The following VAV3 variants were observed in gnomAD, a reference collection of about 807,000 sequenced individuals.
VAV3 encodes the protein vav guanine nucleotide exchange factor 3.
VAV3 carries 94 observed loss-of-function variants against 131.2 expected under a neutral mutation model. The observed-to-expected ratio is 0.72, with a 90% confidence interval of 0.61 to 0.85. The LOEUF is 0.85. Ranked by LOEUF, VAV3 falls within the 40% of genes least tolerant of loss-of-function variation. VAV3 has a pLI of 0.00. For missense variants in VAV3, 939 were observed against 1,002.7 expected, an observed-to-expected ratio of 0.94 and a Z score of 0.86; for synonymous variants, 349 against 342.0, an observed-to-expected ratio of 1.02 and a Z score of -0.22.
chr1:107,829,411 T>A (rs1306505451), intron 2 of VAV3, among the ~76,000 whole-genome samples: 15 of 152,258 alleles, frequency 9.9e-5, no homozygotes, highest in Admixed American at 6.5e-4. Context: ...ATGCTCTACA[T>A]TAAAGTGTAT....
At chr1:107,761,417 G>T (rs1000152776) in intron 9 of VAV3, among the ~76,000 whole-genome samples, 4 of 149,478 alleles carry the variant, frequency 2.7e-5, no homozygotes, top group African/African-American at 9.8e-5. Flanking sequence ...AAAGAAAAAA[G>T]AAAAAGAAAA....
intron 1 of VAV3, among the ~76,000 whole-genome samples, chr1:107,889,862 A>G (rs1671230755): frequency 6.6e-6 from 1 of 152,208 alleles, no homozygotes; most frequent in Non-Finnish European, 1.5e-5. Context: ...ACTTGGGGAT[A>G]AAGATAAAAC....
chr1:107,909,743 T>A (rs1672279173), intron 1 of VAV3, among the ~76,000 whole-genome samples: 1 of 151,696 alleles, frequency 6.6e-6, no homozygotes, highest in Non-Finnish European at 1.5e-5. Flanking sequence ...CCTTTAAATA[T>A]CATAATGTAA....
At chr1:107,884,849 G>C (rs767616921) in intron 1 of VAV3, among the ~76,000 whole-genome samples, 4 of 152,050 alleles carry the variant, frequency 2.6e-5, no homozygotes, top group Non-Finnish European at 5.9e-5. Flanking sequence ...CTTAGGGCAT[G>C]GAAAATAAGC....
intron 15 of VAV3, among the ~76,000 whole-genome samples, chr1:107,746,360 T>A (rs890330251): frequency 4.6e-5 from 7 of 152,182 alleles, no homozygotes; most frequent in African/African-American, 1.7e-4. Flanking sequence ...CCTCCCAATA[T>A]CTGCATAGAC....
chr1:107,690,385 G>A (rs1327060562), intron 17 of VAV3, among the ~76,000 whole-genome samples: 1 of 152,104 alleles, frequency 6.6e-6, no homozygotes, highest in East Asian at 1.9e-4. Context: ...CAGAGGAGCA[G>A]ATCCAGGAAC....
chr1:107,768,647 T>A, intron 6 of VAV3, 138 bp from the exon 7 acceptor site: 1 of 563,346 alleles, frequency 1.8e-6, no homozygotes. Context: ...TTGTAGAAAC[T>A]ATTTTCTCTA....
intron 2 of VAV3, among the ~76,000 whole-genome samples, chr1:107,811,904 T>TGA (rs34114660): frequency 0.15 from 22,918 of 152,056 alleles, 1,987 homozygotes; most frequent in East Asian, 0.29. Context: ...TAATATGGCC[T>TGA]GAGATTTTGG....
chr1:107,742,700 T>C (rs1020937937), intron 15 of VAV3, among the ~76,000 whole-genome samples: 7 of 152,290 alleles, frequency 4.6e-5, no homozygotes, highest in Middle Eastern at 3.4e-3. Flanking sequence ...GAGGTTCAAC[T>C]TAACTTCCCT....
chr1:107,708,503 T>C (rs1035143685), intron 15 of VAV3, among the ~76,000 whole-genome samples: 1 of 152,194 alleles, frequency 6.6e-6, no homozygotes, highest in South Asian at 2.1e-4. Context: ...CAAACATTTA[T>C]AGGGCAAGGA....
chr1:107,784,427 T>C (rs1226135751), intron 2 of VAV3, among the ~76,000 whole-genome samples: 1 of 152,232 alleles, frequency 6.6e-6, no homozygotes, highest in Non-Finnish European at 1.5e-5. Flanking sequence ...CTGCAAAATC[T>C]GCAATTATTT....
At chr1:107,734,501 G>T (rs1662463976) in intron 15 of VAV3, among the ~76,000 whole-genome samples, 1 of 152,128 alleles carries the variant, frequency 6.6e-6, no homozygotes, top group Admixed American at 6.5e-5. Context: ...TCAAAATAAA[G>T]GGATGGAGGA....
chr1:107,920,932 C>T lies in VAV3; in HGVS notation c.204+43734G>A, dbSNP rs1417321289. 2.6e-5 allele frequency among the ~76,000 whole-genome samples: 4 copies of T among 152,232 alleles called. No individual in the cohort carries two copies. In the East Asian group the frequency reaches 7.7e-4, roughly 29 times the overall value. ...CTTCACATCTCACATGTGTTATATA[C>T]AAAATAAGCAAATAGCATAAAATAA... On this transcript the variant is annotated intron_variant, in intron 1 of 26. Coordinates refer to ENST00000370056, the MANE Select transcript of VAV3 (RefSeq NM_006113.5).
intron 1 of VAV3, among the ~76,000 whole-genome samples, chr1:107,924,468 T>G (rs1241092759): frequency 6.6e-6 from 1 of 151,578 alleles, no homozygotes; most frequent in Non-Finnish European, 1.5e-5. Flanking sequence ...AGGGCTTTAA[T>G]GACATAGAAG....
intron 15 of VAV3, among the ~76,000 whole-genome samples, chr1:107,711,437 G>A (rs965690761): frequency 6.6e-6 from 1 of 152,068 alleles, no homozygotes; most frequent in African/African-American, 2.4e-5. Context: ...AGGCAGATTG[G>A]CACAATGAAA....
At chr1:107,800,938 T>C (rs1480397102) in intron 2 of VAV3, among the ~76,000 whole-genome samples, 3 of 152,168 alleles carry the variant, frequency 2.0e-5, no homozygotes, top group Non-Finnish European at 4.4e-5. Flanking sequence ...TTTCTTCGAG[T>C]AGTTTCACAA....
intron 7 of VAV3, 38 bp downstream of exon 7, chr1:107,768,403 A>G: frequency 6.6e-7 from 1 of 1,509,452 alleles, no homozygotes; most frequent in Non-Finnish European, 9.1e-7. Flanking sequence ...GATTTTATTG[A>G]AGTACACCAC....
chr1:107,629,044 T>C (rs922363661), intron 20 of VAV3, among the ~76,000 whole-genome samples: 3 of 152,148 alleles, frequency 2.0e-5, no homozygotes, highest in Admixed American at 6.5e-5. Context: ...TTTTTGGCAC[T>C]GATTACAGTT....
In VAV3 at chr1:107,689,580, G is replaced by C. The variant is rs145412437; in HGVS notation, c.1706-1174C>G. On this transcript the variant is annotated intron_variant, in intron 17 of 26. Transcript: ENST00000370056. Reference sequence around the variant, plus strand: ...AATGGAAATGGAAGATCCATGGGCAGAAAGTCACCTTCAGAAGAAAAGCTA... The same window carrying C: ...AATGGAAATGGAAGATCCATGGGCACAAAGTCACCTTCAGAAGAAAAGCTA... Among the ~76,000 whole-genome samples the C allele has an allele frequency of 2.3e-3, 344 of 151,758 alleles. 2 individuals carry two copies. The highest frequency in any genetic ancestry group is 8.1e-3 in the African/African-American group (336 of 41,360).
Sources: allele counts gnomAD v4.1 joint callset (sites outside exome capture counted in the v4.1 genomes callset), GRCh38; gene constraint gnomAD v4.1.1; transcripts MANE v1.5; gene names NCBI Gene and HGNC (gene_info 2026-07-23, HGNC 2026-07-21).